The following PIEZO2 variants were observed in gnomAD, a reference collection of about 807,000 sequenced individuals.
PIEZO2 encodes piezo-type mechanosensitive ion channel component 2.
Under a neutral mutation model 337.3 loss-of-function variants are expected in PIEZO2, and 172 were observed. That is an observed-to-expected ratio of 0.51 (90% CI 0.45 to 0.58). The LOEUF (loss-of-function observed/expected upper bound fraction) is 0.58, where lower values mean the gene tolerates loss of function less well. Ranked by LOEUF, PIEZO2 falls within the 20% of genes least tolerant of loss-of-function variation. PIEZO2 has a pLI of 0.00. For synonymous variants in PIEZO2, 1,251 were observed against 1,228.5 expected, an observed-to-expected ratio of 1.02 and a Z score of -0.38; for missense variants, 3,028 against 3,391.3, an observed-to-expected ratio of 0.89 and a Z score of 2.66.
At chr18:10,921,695 G>A (rs984079260) in intron 3 of PIEZO2, among the ~76,000 whole-genome samples, 6 of 152,126 alleles carry the variant, frequency 3.9e-5, no homozygotes, top group South Asian at 2.1e-4. Flanking sequence ...AACTCTGACC[G>A]CTGGTGAGCC....
intron 2 of PIEZO2, among the ~76,000 whole-genome samples, chr18:11,039,313 G>C (rs2037030314): frequency 6.6e-6 from 1 of 152,122 alleles, no homozygotes; most frequent in African/African-American, 2.4e-5. Flanking sequence ...AGGCAGAAAG[G>C]GGAAAAACAG....
In PIEZO2 at chr18:11,009,209, A is replaced by G. The variant is rs1044241325; in HGVS notation, c.161-29549T>C. Among the ~76,000 whole-genome samples, 6 of 152,212 alleles carry G rather than the reference A, an allele frequency of 3.9e-5. No homozygotes were observed. Among genetic ancestry groups the G allele is most frequent in the Admixed American group, 3.3e-4 (5 of 15,276 alleles). Reference sequence around the variant, plus strand: ...GTTATTTGCCTGGGCAGTGTATCCCAAGGACTCTTATTAAATAATTTTCAA... The same window carrying G: ...GTTATTTGCCTGGGCAGTGTATCCCGAGGACTCTTATTAAATAATTTTCAA... On this transcript the variant is annotated intron_variant, in intron 2 of 55. Transcript: ENST00000674853. The surrounding 1 kb of genome is among the most constrained non-coding windows in gnomAD (Gnocchi z 4.6).
At chr18:10,792,918 C>G (rs991268254) in intron 13 of PIEZO2, among the ~76,000 whole-genome samples, 10 of 152,206 alleles carry the variant, frequency 6.6e-5, no homozygotes, top group African/African-American at 1.7e-4. Context: ...TTCAACTTCT[C>G]CATGTCCTCA....
intron 4 of PIEZO2, among the ~76,000 whole-genome samples, chr18:10,884,971 C>T (rs1178094237): frequency 6.6e-6 from 1 of 152,004 alleles, no homozygotes; most frequent in Non-Finnish European, 1.5e-5. Context: ...GAGCGTCTAT[C>T]ATATCATAGA....
intron 36 of PIEZO2, among the ~76,000 whole-genome samples, chr18:10,725,667 C>T (rs1410890460): frequency 1.3e-5 from 2 of 152,192 alleles, no homozygotes; most frequent in Non-Finnish European, 2.9e-5. Context: ...CTGGGCTCGC[C>T]TTCATCTCTT....
intron 36 of PIEZO2, among the ~76,000 whole-genome samples, chr18:10,719,010 TAAATA>T (rs2036138236): frequency 1.3e-5 from 2 of 151,254 alleles, no homozygotes; most frequent in South Asian, 2.1e-4. Context: ...AATAAATAAA[TAAATA>T]AATAAATAAA....
chr18:10,760,770 A>G, intron 24 of PIEZO2, 141 bp downstream of exon 24: 1 of 749,672 alleles, frequency 1.3e-6, no homozygotes, highest in Non-Finnish European at 2.1e-6. Flanking sequence ...AACCATCAGT[A>G]CAAATACTTT....
intron 42 of PIEZO2, among the ~76,000 whole-genome samples, chr18:10,703,005 C>G (rs2035408254): frequency 6.6e-6 from 1 of 152,296 alleles, no homozygotes; most frequent in Middle Eastern, 3.4e-3. Flanking sequence ...GTGTAAGCCA[C>G]CATGCCTGGC....
chr18:10,907,860 T>C (rs552880747), intron 4 of PIEZO2, among the ~76,000 whole-genome samples: 1 of 152,326 alleles, frequency 6.6e-6, no homozygotes, highest in East Asian at 1.9e-4. Context: ...TTTTTATCTA[T>C]AATAAAAAAA....
intron 5 of PIEZO2, among the ~76,000 whole-genome samples, chr18:10,868,618 A>G (rs2042064469): frequency 6.6e-6 from 1 of 152,242 alleles, no homozygotes; most frequent in East Asian, 1.9e-4. Context: ...TGTTTAGAGT[A>G]TCTGTCCATC....
chr18:10,726,919 G>T lies in PIEZO2; in HGVS notation c.5029+4488C>A, dbSNP rs2036568307. 6.4e-7 allele frequency: 1 copy of T among 1,565,698 alleles called. No homozygotes were observed. Among genetic ancestry groups the T allele is most frequent in the South Asian group, 1.2e-5 (1 of 83,172 alleles). On this transcript the variant is annotated intron_variant, in intron 36 of 55. Transcript: ENST00000674853. The surrounding 1 kb of genome is among the most constrained non-coding windows in gnomAD (Gnocchi z 5.9). ...CAACCGGCTGGATGTGGCGGAGCTGGGTCGCCTGCTGCCCGACTGATGTAG... is the reference window on the plus strand; with the variant it reads ...CAACCGGCTGGATGTGGCGGAGCTGTGTCGCCTGCTGCCCGACTGATGTAG...
At position 11,028,667 on chromosome 18, in the gene PIEZO2, G is replaced by T. The variant is rs1350546738; in HGVS notation, c.160+37460C>A. Among the ~76,000 whole-genome samples, 1 of 152,222 alleles carries T rather than the reference G, an allele frequency of 6.6e-6. No homozygotes were observed. The highest frequency in any genetic ancestry group is 2.4e-5 in the African/African-American group (1 of 41,456). On this transcript the variant is annotated intron_variant, in intron 2 of 55. Coordinates refer to ENST00000674853, the MANE Select transcript of PIEZO2 (RefSeq NM_001378183.1). This position sits in a 1 kb window ranked among gnomAD's most constrained non-coding sequence, Gnocchi z 4.8. ...GAGTTGAGGACAGTAAAACTGTGCA[G>T]TATTAGGGATATATGTTTCCTTAGA...
chr18:10,840,095 T>C (rs760577758), intron 7 of PIEZO2, among the ~76,000 whole-genome samples: 6 of 152,180 alleles, frequency 3.9e-5, no homozygotes, highest in Non-Finnish European at 7.4e-5. Flanking sequence ...AAAGTATGGG[T>C]CAAAAGGATC....
Position 10,979,988 on chromosome 18 carries a change from A to G in PIEZO2, c.161-328T>C, listed in dbSNP as rs1195498545. ...AGTGCTGCCAACTTTGAAGGGACAG[A>G]TAACTCCTGTCTTAGAAAAATAATT... On this transcript the variant is annotated intron_variant, in intron 2 of 55. Transcript: ENST00000674853. The surrounding 1 kb of genome is among the most constrained non-coding windows in gnomAD (Gnocchi z 4.0). Among the ~76,000 whole-genome samples the G allele has an allele frequency of 6.6e-6, 1 of 152,242 alleles. No individual in the cohort carries two copies. The highest frequency in any genetic ancestry group is 2.4e-5 in the African/African-American group (1 of 41,472).
chr18:11,021,621 A>T lies in PIEZO2; in HGVS notation c.161-41961T>A, dbSNP rs2036315203. 6.6e-6 allele frequency among the ~76,000 whole-genome samples: 1 copy of T among 152,024 alleles called. No homozygotes were observed. The highest frequency in any genetic ancestry group is 2.4e-5 in the African/African-American group (1 of 41,390). ...AACCACCAAGTGGGGTTCCTGGGGG[A>T]CTTTGAGTCTCACGGATCTGGTGAT... On this transcript the variant is annotated intron_variant, in intron 2 of 55. Coordinates refer to ENST00000674853, the MANE Select transcript of PIEZO2 (RefSeq NM_001378183.1). The surrounding 1 kb of genome is among the most constrained non-coding windows in gnomAD (Gnocchi z 4.7).
chr18:10,720,990 GA>G (rs2036287822), intron 36 of PIEZO2, among the ~76,000 whole-genome samples: 2 of 152,158 alleles, frequency 1.3e-5, no homozygotes, highest in Non-Finnish European at 2.9e-5. Flanking sequence ...TTGGCTACAA[GA>G]AATCCTTTCT....
At chr18:10,720,654 G>A (rs1050269539) in intron 36 of PIEZO2, among the ~76,000 whole-genome samples, 2 of 150,988 alleles carry the variant, frequency 1.3e-5, no homozygotes, top group Non-Finnish European at 2.9e-5. Flanking sequence ...GATGTTGCTC[G>A]GGCTGGTCTC....
At chr18:10,907,154 A>G (rs910155673) in intron 4 of PIEZO2, among the ~76,000 whole-genome samples, 5 of 152,272 alleles carry the variant, frequency 3.3e-5, no homozygotes, top group African/African-American at 1.2e-4. Context: ...TTGAATTAAG[A>G]AAGATGGTCT....
At chr18:11,103,230 TTAAA>T (rs1420240320) in intron 1 of PIEZO2, among the ~76,000 whole-genome samples, 5 of 152,226 alleles carry the variant, frequency 3.3e-5, no homozygotes, top group Non-Finnish European at 7.3e-5. Flanking sequence ...GATGCTTAGA[TTAAA>T]TAAACAACTT....
Sources: allele counts gnomAD v4.1 joint callset (sites outside exome capture counted in the v4.1 genomes callset), GRCh38; gene constraint gnomAD v4.1.1; non-coding constraint Gnocchi (gnomAD v3.1); transcripts MANE v1.5; gene names NCBI Gene and HGNC (gene_info 2026-07-23, HGNC 2026-07-21).